Variants in MAGI2 observed in about 807,000 individuals in gnomAD.
MAGI2 encodes the protein membrane associated guanylate kinase, WW and PDZ domain containing 2, also known as membrane-associated guanylate kinase, WW and PDZ domain-containing protein 2.
A neutral mutation model predicts 133.3 loss-of-function variants in MAGI2; 35 were observed. The observed-to-expected ratio is 0.26, with a 90% CI of 0.20 to 0.35. The LOEUF is 0.35. Among genes scored for constraint, MAGI2 ranks in the 10% least tolerant of loss-of-function variants. The probability of loss-of-function intolerance (pLI) is 1.00; values close to 1 mark genes in which losing one functional copy is unlikely to be tolerated. For missense variants in MAGI2, 1,636 were observed against 1,863.4 expected (o/e 0.88, Z 2.25); for synonymous variants, 729 against 710.6 (o/e 1.03, Z -0.41).
intron 16 of MAGI2, among the ~76,000 whole-genome samples, chr7:78,143,174 T>TA (rs1822940730): frequency 6.6e-6 from 1 of 152,224 alleles, no homozygotes; most frequent in Non-Finnish European, 1.5e-5. Flanking sequence ...TGTGTAGCTT[T>TA]TAGCAAGCAT....
chr7:79,401,779 T>G (rs1239554701), intron 1 of MAGI2, among the ~76,000 whole-genome samples: 3 of 152,132 alleles, frequency 2.0e-5, no homozygotes, highest in Non-Finnish European at 4.4e-5. Flanking sequence ...TATTACTACA[T>G]GTTTACTGAT....
At chr7:78,836,676 T>G (rs1791645433) in intron 2 of MAGI2, among the ~76,000 whole-genome samples, 4 of 152,222 alleles carry the variant, frequency 2.6e-5, no homozygotes, top group Non-Finnish European at 4.4e-5. Flanking sequence ...AATGAAGAGA[T>G]TTCTACTAAT....
chr7:79,391,128 G>A (rs1022975458), intron 1 of MAGI2, among the ~76,000 whole-genome samples: 2 of 152,140 alleles, frequency 1.3e-5, no homozygotes, highest in African/African-American at 4.8e-5. Context: ...AATTTCAGAA[G>A]TTGACTTCCT....
At position 79,326,340 on chromosome 7, in the gene MAGI2, A is replaced by G. The variant is rs534396197; in HGVS notation, c.301+126680T>C. On this transcript the variant is annotated intron_variant, in intron 1 of 21. Coordinates refer to ENST00000354212, the MANE Select transcript of MAGI2 (RefSeq NM_012301.4). ...ACCATAATTATAAACCTGGCTTAAG[A>G]AAAAAACTAGACTACCACATTAGGA... Among the ~76,000 whole-genome samples the G allele has an allele frequency of 4.5e-4, 68 of 152,256 alleles. No homozygotes were observed. In the East Asian group the frequency reaches 0.011, roughly 24 times the overall value.
chr7:79,201,051 A>G (rs1187309953), intron 1 of MAGI2, among the ~76,000 whole-genome samples: 4 of 151,950 alleles, frequency 2.6e-5, no homozygotes, highest in South Asian at 4.1e-4. Context: ...AGTGCAATCA[A>G]CGTACTCCAA....
chr7:79,350,160 T>A (rs769450269), intron 1 of MAGI2, among the ~76,000 whole-genome samples: 1 of 151,818 alleles, frequency 6.6e-6, no homozygotes, highest in South Asian at 2.1e-4. Flanking sequence ...CTGTGAGGAG[T>A]CATGAAATAA....
intron 2 of MAGI2, among the ~76,000 whole-genome samples, chr7:78,888,201 G>A (rs1196879569): frequency 6.6e-6 from 1 of 152,188 alleles, no homozygotes; most frequent in Non-Finnish European, 1.5e-5. Flanking sequence ...CACCATTGCT[G>A]AGGCTTCAGT....
chr7:79,300,776 T>G lies in MAGI2; in HGVS notation c.301+152244A>C, dbSNP rs527970123. On this transcript the variant is annotated intron_variant, in intron 1 of 21. Transcript: ENST00000354212. ...GCCCTGAAGGCATTTCAGAGACCTTTGTGGCAGCCCATCACATCACAGGCC... is the reference window on the plus strand; with the variant it reads ...GCCCTGAAGGCATTTCAGAGACCTTGGTGGCAGCCCATCACATCACAGGCC... 1.2e-4 allele frequency among the ~76,000 whole-genome samples: 19 copies of G among 152,320 alleles called. No homozygotes were observed. In the South Asian group the frequency reaches 3.9e-3, roughly 32 times the overall value.
intron 6 of MAGI2, among the ~76,000 whole-genome samples, chr7:78,398,782 C>A (rs10272154): frequency 0.53 from 80,840 of 151,674 alleles, 22,566 homozygotes; most frequent in Middle Eastern, 0.64. Context: ...CCCCTCCCAC[C>A]TCCTCCAGTA....
intron 1 of MAGI2, among the ~76,000 whole-genome samples, chr7:79,451,655 A>T (rs1849262054): frequency 6.6e-6 from 1 of 152,334 alleles, no homozygotes; most frequent in South Asian, 2.1e-4. Flanking sequence ...TTTTAAAACA[A>T]GTTTTTTAGA....
At position 78,343,979 on chromosome 7, in the gene MAGI2, G is replaced by GT; in HGVS notation, c.1226-20dup. ...GGTTTTTCTACATTGGCCAATATAAGTTAAAAAAGAAAAAGGCATGTTCAA... is the reference window on the plus strand; with the variant it reads ...GGTTTTTCTACATTGGCCAATATAAGTTTAAAAAAGAAAAAGGCATGTTCAA... On this transcript the variant is annotated intron_variant, in intron 8 of 21. Transcript: ENST00000354212. 1 of 1,594,242 alleles carries GT rather than the reference G, an allele frequency of 6.3e-7. No homozygotes were observed. The highest frequency in any genetic ancestry group is 8.5e-7 in the Non-Finnish European group (1 of 1,173,756).
At chr7:79,156,015 C>T (rs1213021714) in intron 1 of MAGI2, among the ~76,000 whole-genome samples, 1 of 152,116 alleles carries the variant, frequency 6.6e-6, no homozygotes, top group African/African-American at 2.4e-5. Flanking sequence ...TGGAATGTTG[C>T]TTCTTTTCAT....
At chr7:79,183,321 T>C (rs1826780168) in intron 1 of MAGI2, among the ~76,000 whole-genome samples, 1 of 151,792 alleles carries the variant, frequency 6.6e-6, no homozygotes, top group South Asian at 2.1e-4. Context: ...CCCATAAACA[T>C]ATGTAAAAAT....
intron 6 of MAGI2, among the ~76,000 whole-genome samples, chr7:78,458,904 G>C (rs1405818338): frequency 6.6e-6 from 1 of 152,182 alleles, no homozygotes; most frequent in Non-Finnish European, 1.5e-5. Flanking sequence ...AAAGTGTTGG[G>C]ATTACAGGCG....
rs141170910 is a variant in MAGI2 at position 78,515,254 on chromosome 7, T to G, written c.754+6176A>C. Among the ~76,000 whole-genome samples, 548 of 152,314 alleles carry G rather than the reference T, an allele frequency of 3.6e-3. 3 individuals carry two copies. The highest frequency in any genetic ancestry group is 0.013 in the African/African-American group (530 of 41,568). On this transcript the variant is annotated intron_variant, in intron 4 of 21. Coordinates refer to ENST00000354212, the MANE Select transcript of MAGI2 (RefSeq NM_012301.4). ...CAATCTTTTAAAAAATTCAATTGAC[T>G]TATCTATTAACCATCTATCTATCTT...
intron 1 of MAGI2, among the ~76,000 whole-genome samples, chr7:79,417,570 C>T (rs895007194): frequency 6.6e-6 from 1 of 152,080 alleles, no homozygotes; most frequent in African/African-American, 2.4e-5. Context: ...TAGGCGTTAT[C>T]TATGTTATCT....
At chr7:78,884,587 C>A (rs1420149632) in intron 2 of MAGI2, among the ~76,000 whole-genome samples, 2 of 152,096 alleles carry the variant, frequency 1.3e-5, no homozygotes, top group African/African-American at 4.8e-5. Context: ...CATCACTAAT[C>A]ATCAAAGAAA....
intron 2 of MAGI2, among the ~76,000 whole-genome samples, chr7:78,630,623 G>T (rs1250621751): frequency 6.6e-6 from 1 of 151,622 alleles, no homozygotes; most frequent in African/African-American, 2.4e-5. Context: ...CACTGTGTTG[G>T]CCAGGCTGGT....
intron 1 of MAGI2, among the ~76,000 whole-genome samples, chr7:79,337,336 G>A (rs1840506541): frequency 6.6e-6 from 1 of 152,182 alleles, no homozygotes; most frequent in Non-Finnish European, 1.5e-5. Context: ...CTATAGAAGT[G>A]CAATAACAAA....
Sources: gnomAD v4.1 joint callset for allele counts (sites outside exome capture counted in the v4.1 genomes callset) on GRCh38, gnomAD v4.1.1 for gene constraint, MANE v1.5 for transcripts, NCBI Gene and HGNC (gene_info 2026-07-23, HGNC 2026-07-21) for gene names.